The following AFF2 variants were observed in gnomAD, a reference collection of about 807,000 sequenced individuals.
AFF2 encodes the protein ALF transcription elongation factor 2.
Under a neutral mutation model 76.9 loss-of-function variants are expected in AFF2, and 14 were observed. That is an observed-to-expected ratio of 0.18 (90% confidence interval 0.12 to 0.28). The LOEUF (loss-of-function observed/expected upper bound fraction) is 0.28, where lower values mean the gene tolerates loss of function less well. AFF2 is among the 10% of genes least tolerant of loss of function. The pLI is 1.00. For synonymous variants in AFF2, 398 were observed against 366.7 expected, an observed-to-expected ratio of 1.09 and a Z score of -0.98; for missense variants, 868 against 1,001.1, an observed-to-expected ratio of 0.87 and a Z score of 1.79.
At chrX:148,805,720 G>T (rs1464423839) in intron 3 of AFF2, among the ~76,000 whole-genome samples, 2 of 112,806 alleles carry the variant, frequency 1.8e-5, no homozygotes, top group Admixed American at 9.3e-5. Flanking sequence ...CAGATAATTT[G>T]TGTGTGGTCT....
At chrX:148,679,777 A>G (rs1209808407) in intron 3 of AFF2, among the ~76,000 whole-genome samples, 1 of 111,615 alleles carries the variant, frequency 9.0e-6, no homozygotes, top group African/African-American at 3.3e-5. Context: ...AACATTGCCA[A>G]TCTAAATACA....
Position 148,662,001 on chromosome X carries a change from A to T in AFF2, c.274A>T (p.Asn92Tyr), listed in dbSNP as rs782073656. ...TTTGCTAACTAACCATTCTAATCAG[A>T]ATCACCTAGTGGGAATTCCAAAGAA... ...KNLLTNHSNQ[N>Y]HLVGIPKNSV... The change falls in exon 3 of 21, where the codon AAT (asparagine) becomes TAT (tyrosine). Residue 92 changes from asparagine (N) to tyrosine (Y), a missense_variant. This residue lies in a region of AFF2 where 196 missense variants were observed against 194.8 expected (regional missense o/e 1.01). Transcript: ENST00000370460. The T allele has an allele frequency of 1.7e-6, 2 of 1,210,228 alleles. No individual in the cohort carries two copies.
chrX:148,876,161 A>G (rs148896418), intron 7 of AFF2, among the ~76,000 whole-genome samples: 1 of 112,257 alleles, frequency 8.9e-6, no homozygotes, highest in Non-Finnish European at 1.9e-5. Context: ...TCTTGAGCCA[A>G]TAATCACAGA....
In AFF2 at chrX:148,956,074, A is replaced by G. The variant is rs782287818; in HGVS notation, c.2029A>G (p.Lys677Glu). ...PRGRNKATAHKPAPRKEPRPN... is the reference protein window; with the variant it reads ...PRGRNKATAHEPAPRKEPRPN... ...AGGCCGCAACAAAGCCACTGCCCAC[A>G]AACCAGCCCCTAGGAAAGAACCAAG... Residue 677 changes from lysine to glutamate, a missense_variant, in exon 11 of 21, where the codon AAA becomes GAA. Lys to Glu is a moderately conservative substitution (Grantham distance 56). Around this residue, in one of 6 missense-constraint regions of AFF2, gnomAD observed 532 missense variants for 564.2 expected, o/e 0.94. Coordinates refer to ENST00000370460, the MANE Select transcript of AFF2 (RefSeq NM_002025.4). 3.3e-6 allele frequency: 4 copies of G among 1,211,161 alleles called. No individual in the cohort carries two copies. The highest frequency in any genetic ancestry group is 4.5e-6 in the Non-Finnish European group (4 of 895,369).
intron 1 of AFF2, among the ~76,000 whole-genome samples, chrX:148,552,401 G>A (rs1434554304): frequency 1.8e-5 from 2 of 111,712 alleles, no homozygotes; most frequent in Non-Finnish European, 3.8e-5. Context: ...AGTAGGCAGG[G>A]TCTTCACAAG....
At chrX:148,917,469 C>T (rs1166286274) in intron 9 of AFF2, among the ~76,000 whole-genome samples, 1 of 112,661 alleles carries the variant, frequency 8.9e-6, no homozygotes, top group African/African-American at 3.2e-5. Flanking sequence ...TCTTGATCCT[C>T]AGAAATCTGC....
At chrX:148,933,557 T>C (rs2071738285) in intron 9 of AFF2, among the ~76,000 whole-genome samples, 1 of 111,212 alleles carries the variant, frequency 9.0e-6, no homozygotes, top group Non-Finnish European at 1.9e-5. Context: ...GTAGTGGTGA[T>C]GAGCGGTGAA....
At chrX:148,875,517 G>A (rs930180318) in intron 7 of AFF2, among the ~76,000 whole-genome samples, 1 of 111,663 alleles carries the variant, frequency 9.0e-6, no homozygotes. Flanking sequence ...TGTTCCTTCT[G>A]TCTACCCAAT....
At chrX:148,545,951 A>G (rs782323496) in intron 1 of AFF2, among the ~76,000 whole-genome samples, 49 of 111,467 alleles carry the variant, frequency 4.4e-4, no homozygotes, top group Non-Finnish European at 7.2e-4. Context: ...CCTTGACATG[A>G]TGCTATGGAA....
At chrX:148,680,630 A>G (rs1418118335) in intron 3 of AFF2, among the ~76,000 whole-genome samples, 1 of 112,054 alleles carries the variant, frequency 8.9e-6, no homozygotes, top group African/African-American at 3.2e-5. Context: ...AAAATTGGAA[A>G]AGATTGTGTT....
intron 7 of AFF2, among the ~76,000 whole-genome samples, chrX:148,884,928 G>A: frequency 8.9e-6 from 1 of 112,127 alleles, no homozygotes; most frequent in East Asian, 2.8e-4. Context: ...CTGATGCAGA[G>A]CCTAGATGCA....
At chrX:148,768,306 G>A (rs781920117) in intron 3 of AFF2, among the ~76,000 whole-genome samples, 1 of 109,334 alleles carries the variant, frequency 9.1e-6, no homozygotes, top group South Asian at 4.1e-4. Flanking sequence ...TAGTGATCTC[G>A]TCACATATGC....
chrX:148,784,951 G>C (rs782763263), intron 3 of AFF2, among the ~76,000 whole-genome samples: 2 of 111,450 alleles, frequency 1.8e-5, no homozygotes, highest in African/African-American at 6.5e-5. Flanking sequence ...CATCAGTGGG[G>C]GTCCATCTGG....
At chrX:148,966,702 C>A in intron 13 of AFF2, 88 bp from the exon 14 acceptor site, 1 of 1,092,712 alleles carries the variant, frequency 9.2e-7, no homozygotes, top group Admixed American at 3.0e-5. Flanking sequence ...TGCCTTCTTT[C>A]GTAACGTGCT....
chrX:148,538,531 G>A (rs1437931283), intron 1 of AFF2, among the ~76,000 whole-genome samples: 2 of 112,593 alleles, frequency 1.8e-5, no homozygotes, highest in African/African-American at 3.2e-5. Flanking sequence ...AGAATATCTG[G>A]CGAAGCACTG....
chrX:148,625,574 C>G (rs1051892797), intron 1 of AFF2, among the ~76,000 whole-genome samples: 1 of 110,691 alleles, frequency 9.0e-6, no homozygotes, highest in Non-Finnish European at 1.9e-5. Context: ...CTGTCCCTTC[C>G]TCCTCTGGAC....
intron 9 of AFF2, among the ~76,000 whole-genome samples, chrX:148,952,416 C>T (rs2071979357): frequency 9.0e-6 from 1 of 111,293 alleles, no homozygotes; most frequent in African/African-American, 3.3e-5. Context: ...CAAGAGGCTG[C>T]GAAGGCCCAG....
intron 18 of AFF2, 80 bp downstream of exon 18, chrX:148,978,535 C>T: frequency 1.4e-6 from 1 of 694,167 alleles, no homozygotes; most frequent in Non-Finnish European, 2.2e-6. Flanking sequence ...TATCGAATGT[C>T]AAATGCTGCC....
At chrX:148,807,652 C>T (rs1282608279) in intron 3 of AFF2, among the ~76,000 whole-genome samples, 3 of 112,247 alleles carry the variant, frequency 2.7e-5, no homozygotes, top group African/African-American at 9.7e-5. Flanking sequence ...GAACAAAGAC[C>T]TTTTCATGAG....
Sources: gnomAD v4.1 joint callset for allele counts (sites outside exome capture counted in the v4.1 genomes callset) on GRCh38, gnomAD v4.1.1 for gene constraint, gnomAD v4.1.1 regional missense constraint, MANE v1.5 for transcripts, NCBI Gene and HGNC (gene_info 2026-07-23, HGNC 2026-07-21) for gene names.